The following DNAH3 variants were observed in gnomAD, a reference collection of about 807,000 sequenced individuals.
DNAH3 encodes dynein axonemal heavy chain 3.
DNAH3 carries 332 observed loss-of-function variants against 432.5 expected under a neutral mutation model. The observed-to-expected ratio is 0.77, with a 90% CI of 0.70 to 0.84. The LOEUF (loss-of-function observed/expected upper bound fraction) is 0.84. DNAH3 is among the 40% of genes least tolerant of loss of function. The probability of loss-of-function intolerance (pLI) is 0.00; values close to 1 mark genes in which losing one functional copy is unlikely to be tolerated. For synonymous variants in DNAH3, 1,956 were observed against 1,900.2 expected (o/e 1.03, Z -0.76); for missense variants, 4,861 against 5,114.0 (o/e 0.95, Z 1.51).
chr16:21,045,219 C>T (rs1411004251), intron 31 of DNAH3, among the ~76,000 whole-genome samples: 2 of 151,420 alleles, frequency 1.3e-5, no homozygotes, highest in African/African-American at 4.8e-5. Context: ...CCCTCTTTTT[C>T]TATTGATTGG....
chr16:21,151,801 C>T (rs996771533), intron 1 of DNAH3, among the ~76,000 whole-genome samples: 2 of 152,166 alleles, frequency 1.3e-5, no homozygotes, highest in Non-Finnish European at 2.9e-5. Context: ...GCACATGTTC[C>T]ATGGTCACTG....
chr16:20,992,358 T>C (rs1482535382), intron 44 of DNAH3, among the ~76,000 whole-genome samples: 2 of 152,222 alleles, frequency 1.3e-5, no homozygotes, highest in African/African-American at 4.8e-5. Context: ...TTTATTTTTA[T>C]TTTTTGAGAT....
At chr16:20,987,614 C>T in intron 46 of DNAH3, 79 bp downstream of exon 46, 1 of 1,566,178 alleles carries the variant, frequency 6.4e-7, no homozygotes, top group Non-Finnish European at 8.7e-7. Context: ...TAAAAGTTAG[C>T]TATTACTGCT....
At chr16:20,976,888 A>G (rs1022345187) in intron 50 of DNAH3, among the ~76,000 whole-genome samples, 1 of 152,210 alleles carries the variant, frequency 6.6e-6, no homozygotes, top group Admixed American at 6.5e-5. Flanking sequence ...CAGCCTCCAG[A>G]ACTATGAGAA....
At chr16:20,942,818 CCAGGATTTTAGGTGTTTCCAGGA>C (rs2083875481) in intron 58 of DNAH3, among the ~76,000 whole-genome samples, 1 of 152,050 alleles carries the variant, frequency 6.6e-6, no homozygotes, top group Non-Finnish European at 1.5e-5. Flanking sequence ...CTAGAGGTAC[CCAGGATTTTAGGTGTTTCCAGGA>C]CACAGAAAAA....
At chr16:21,039,214 CTTTTTTTTTTT>C (rs200708542) in intron 33 of DNAH3, among the ~76,000 whole-genome samples, 5 of 126,020 alleles carry the variant, frequency 4.0e-5, no homozygotes, top group East Asian at 5.1e-4. Context: ...TATAGTGTTG[CTTTTTTTTTTT>C]TTTTTTTTTT....
chr16:21,105,832 C>A (rs781458633), intron 15 of DNAH3, among the ~76,000 whole-genome samples: 3 of 152,050 alleles, frequency 2.0e-5, no homozygotes, highest in Non-Finnish European at 4.4e-5. Flanking sequence ...AATGATTCTG[C>A]ATTTGGAAGT....
chr16:21,153,867 C>G (rs1435680425), intron 1 of DNAH3, among the ~76,000 whole-genome samples: 6 of 152,238 alleles, frequency 3.9e-5, no homozygotes, highest in African/African-American at 1.4e-4. Flanking sequence ...CCTTTTTCTA[C>G]TCCTTTTCCT....
intron 24 of DNAH3, among the ~76,000 whole-genome samples, chr16:21,063,688 G>A (rs531152900): frequency 6.6e-5 from 10 of 151,864 alleles, no homozygotes; most frequent in African/African-American, 1.7e-4. Context: ...GACTACAGGC[G>A]CATGCCACCA....
At chr16:21,060,204 TC>T in intron 26 of DNAH3, 59 bp downstream of exon 26, 3 of 1,371,698 alleles carry the variant, frequency 2.2e-6, no homozygotes, top group Non-Finnish European at 3.1e-6. Context: ...ATGAACCTTC[TC>T]CCCAATGTTC....
Position 21,111,984 on chromosome 16 carries a change from A to C in DNAH3, c.1920+9T>G, listed in dbSNP as rs1427056569. The C allele has an allele frequency of 6.2e-7, 1 of 1,611,108 alleles. No individual in the cohort carries two copies. The highest frequency in any genetic ancestry group is 1.1e-5 in the South Asian group (1 of 90,848). ...ACCAAGGTATAAAATCTCAAGTGGC[A>C]TTTCCTACCGTCACAAAATCATCAA... On this transcript the variant is annotated intron_variant, in intron 13 of 61. Transcript: ENST00000261383.
Position 21,000,532 on chromosome 16 carries a change from A to T in DNAH3, c.6127-14T>A, listed in dbSNP as rs1457173477. The T allele has an allele frequency of 5.1e-6, 8 of 1,575,860 alleles. No homozygotes were observed. Among genetic ancestry groups the T allele is most frequent in the Non-Finnish European group, 6.9e-6 (8 of 1,158,458 alleles). On this transcript the variant is annotated splice_polypyrimidine_tract_variant and intron_variant, in intron 42 of 61. Transcript: ENST00000261383. The stretch of plus-strand genomic sequence containing the variant: ...GAGTTCTGAGACCTGTACCACACAG[A>T]CATGGGAGAGTCTCGGTTGTGGGCC...
At chr16:21,126,349 A>C (rs2092446397) in intron 8 of DNAH3, among the ~76,000 whole-genome samples, 1 of 152,168 alleles carries the variant, frequency 6.6e-6, no homozygotes. Context: ...TACTGGTTGT[A>C]GTCATAGAGG....
chr16:21,067,327 T>G (rs927491508), exon 24 of DNAH3: 46 of 1,613,998 alleles, frequency 2.9e-5, no homozygotes, highest in Non-Finnish European at 3.5e-5. Context: ...CATTCAGCCC[T>G]TTCTGGATGT....
intron 1 of DNAH3, among the ~76,000 whole-genome samples, chr16:21,148,471 T>A (rs1371284007): frequency 1.3e-5 from 2 of 151,592 alleles, no homozygotes; most frequent in African/African-American, 2.4e-5. Context: ...AAGTTTTCGC[T>A]CTGTCGCCCA....
chr16:21,107,228 T>C (rs1185838518), intron 14 of DNAH3, among the ~76,000 whole-genome samples: 1 of 144,904 alleles, frequency 6.9e-6, no homozygotes, highest in African/African-American at 2.5e-5. Flanking sequence ...AGCACTAAAT[T>C]AATTTTTAAT....
Position 20,987,971 on chromosome 16 carries a change from G to C in DNAH3, c.6696C>G (p.Phe2232Leu), listed in dbSNP as rs757626073. Residue 2232 changes from phenylalanine to leucine, a missense_variant, in exon 45 of 62, where the codon TTC becomes TTG. Phe to Leu is a conservative substitution (Grantham distance 22). Transcript: ENST00000261383. ...AAAACATCACATCAAACCCTTTCCCGAAGTGCCAGTCAACAATCGAACTGA... is the reference window on the plus strand; with the variant it reads ...AAAACATCACATCAAACCCTTTCCCCAAGTGCCAGTCAACAATCGAACTGA... 20 of 1,614,014 alleles carry C rather than the reference G, an allele frequency of 1.2e-5. No individual in the cohort carries two copies. The highest frequency in any genetic ancestry group is 2.2e-5 in the East Asian group (1 of 44,900).
chr16:21,058,883 T>C (rs2090235212), intron 26 of DNAH3, among the ~76,000 whole-genome samples: 1 of 144,132 alleles, frequency 6.9e-6, no homozygotes, highest in Non-Finnish European at 1.5e-5. Context: ...AAATACCTAA[T>C]GCATGCGGGG....
intron 33 of DNAH3, 149 bp from the exon 34 acceptor site, chr16:21,038,129 T>TA (rs1421795272): frequency 4.6e-6 from 3 of 659,302 alleles, no homozygotes; most frequent in African/African-American, 1.8e-5. Flanking sequence ...GATATTTTAA[T>TA]AGAGTTACCA....
Sources: gnomAD v4.1 joint callset for allele counts (sites outside exome capture counted in the v4.1 genomes callset) on GRCh38, gnomAD v4.1.1 for gene constraint, MANE v1.5 for transcripts, NCBI Gene and HGNC (gene_info 2026-07-23, HGNC 2026-07-21) for gene names.